The following ERC2 variants were observed in gnomAD, a reference collection of about 807,000 sequenced individuals.
ERC2 encodes the protein ERC protein 2.
In ERC2, 42 loss-of-function variants were observed where a neutral mutation model predicts 114.8. The observed-to-expected ratio is 0.37, with a 90% CI of 0.29 to 0.47. The LOEUF is 0.47. Among genes scored for constraint, ERC2 ranks in the 20% least tolerant of loss-of-function variants. The pLI is 0.99. For synonymous variants in ERC2, 454 were observed against 425.5 expected (o/e 1.07, Z -0.82); for missense variants, 939 against 1,150.7 (o/e 0.82, Z 2.66).
At position 55,728,938 on chromosome 3, in the gene ERC2, C is replaced by T. The variant is rs1181983562; in HGVS notation, c.2712+5833G>A. On this transcript the variant is annotated intron_variant, in intron 15 of 17. Transcript: ENST00000288221. ...CATGAGTTCTCTTTTGTGGCCCCAA[C>T]GGAAGCAGCAGTGTTTCCTAAAAAG... Among the ~76,000 whole-genome samples, 5 of 152,314 alleles carry T rather than the reference C, an allele frequency of 3.3e-5. No individual in the cohort carries two copies. In the East Asian group the frequency reaches 7.7e-4, roughly 24 times the overall value.
intron 15 of ERC2, among the ~76,000 whole-genome samples, chr3:55,716,485 G>A (rs975360261): frequency 6.6e-6 from 1 of 152,192 alleles, no homozygotes; most frequent in African/African-American, 2.4e-5. Context: ...AATGGTCAAA[G>A]TTAAGCCACT....
intron 3 of ERC2, among the ~76,000 whole-genome samples, chr3:56,250,124 G>A (rs2052043127): frequency 6.6e-6 from 1 of 152,094 alleles, no homozygotes; most frequent in African/African-American, 2.4e-5. Flanking sequence ...CCAAAGTGCT[G>A]GGATTACAGG....
At chr3:55,597,447 C>T (rs1415962087) in intron 17 of ERC2, among the ~76,000 whole-genome samples, 1 of 150,918 alleles carries the variant, frequency 6.6e-6, no homozygotes, top group Admixed American at 6.6e-5. Flanking sequence ...GATTTTAGAA[C>T]CTTACACATC....
intron 14 of ERC2, among the ~76,000 whole-genome samples, chr3:55,777,661 A>C (rs1033380194): frequency 6.6e-6 from 1 of 152,242 alleles, no homozygotes; most frequent in African/African-American, 2.4e-5. Flanking sequence ...TCCTACTGGC[A>C]TGAATTTTTA....
At chr3:56,290,589 G>C (rs991436709) in intron 3 of ERC2, among the ~76,000 whole-genome samples, 1 of 152,188 alleles carries the variant, frequency 6.6e-6, no homozygotes, top group Non-Finnish European at 1.5e-5. Flanking sequence ...TCATGGCTTA[G>C]GTCAGCAGAA....
At chr3:55,874,362 T>C (rs1291291408) in intron 14 of ERC2, among the ~76,000 whole-genome samples, 2 of 152,160 alleles carry the variant, frequency 1.3e-5, no homozygotes, top group African/African-American at 4.8e-5. Flanking sequence ...CTCTGGCAAC[T>C]CCAGCCCCAC....
intron 6 of ERC2, among the ~76,000 whole-genome samples, chr3:56,123,163 T>C (rs2079675231): frequency 6.6e-6 from 1 of 152,156 alleles, no homozygotes; most frequent in Non-Finnish European, 1.5e-5. Context: ...ATAGTCTGAA[T>C]GCTTATGCCA....
chr3:55,622,537 G>T (rs916380515), intron 17 of ERC2, among the ~76,000 whole-genome samples: 3 of 152,026 alleles, frequency 2.0e-5, no homozygotes, highest in African/African-American at 7.2e-5. Context: ...TGCAGTATGG[G>T]CAAATGCAAG....
At chr3:55,544,272 G>T (rs1212102474) in intron 17 of ERC2, among the ~76,000 whole-genome samples, 1 of 152,168 alleles carries the variant, frequency 6.6e-6, no homozygotes, top group Non-Finnish European at 1.5e-5. Context: ...TTGGGCAAGT[G>T]TTCGACAGAC....
At chr3:56,410,191 G>A (rs1018085954) in intron 2 of ERC2, among the ~76,000 whole-genome samples, 1 of 152,154 alleles carries the variant, frequency 6.6e-6, no homozygotes, top group African/African-American at 2.4e-5. Flanking sequence ...TATCCAAAAT[G>A]TCAAATTTTG....
intron 3 of ERC2, among the ~76,000 whole-genome samples, chr3:56,182,000 G>A (rs2083314017): frequency 6.6e-6 from 1 of 152,156 alleles, no homozygotes; most frequent in African/African-American, 2.4e-5. Flanking sequence ...GAACTACCCA[G>A]CTAAGCAACT....
intron 3 of ERC2, among the ~76,000 whole-genome samples, chr3:56,291,626 C>G (rs1045948741): frequency 1.1e-4 from 16 of 152,190 alleles, no homozygotes; most frequent in Non-Finnish European, 2.2e-4. Context: ...CCCAGCTTCA[C>G]ACTGCCTAGC....
At chr3:56,040,680 A>ATATATAGATGTATATG (rs2075127219) in intron 7 of ERC2, among the ~76,000 whole-genome samples, 2 of 45,012 alleles carry the variant, frequency 4.4e-5, no homozygotes, top group Non-Finnish European at 9.9e-5. Context: ...AGATAGATAC[A>ATATATAGATGTATATG]TATATCTCTA....
intron 17 of ERC2, among the ~76,000 whole-genome samples, chr3:55,672,871 G>T (rs1270114415): frequency 1.3e-5 from 2 of 152,156 alleles, no homozygotes; most frequent in African/African-American, 4.8e-5. Flanking sequence ...GGAGTCTCTT[G>T]CATGGAGTCA....
chr3:55,672,552 C>T (rs2061606447), intron 17 of ERC2, among the ~76,000 whole-genome samples: 1 of 152,092 alleles, frequency 6.6e-6, no homozygotes, highest in Non-Finnish European at 1.5e-5. Flanking sequence ...GTCTGCCCTC[C>T]TCGTAGAGCT....
chr3:56,033,038 A>C (rs1560058359), intron 7 of ERC2, among the ~76,000 whole-genome samples: 1 of 74,468 alleles, frequency 1.3e-5, no homozygotes, highest in African/African-American at 4.1e-5. Flanking sequence ...AACAGAAAGA[A>C]AGAAAGAAAG....
At position 55,793,010 on chromosome 3, in the gene ERC2, T is replaced by A. The variant is rs73831511; in HGVS notation, c.2565-58092A>T. ...CCCTGAGCCCTGGGGAGTATATAGA[T>A]TGGTCCAAATAGCAATATTTGTGCT... is the stretch of plus-strand genomic sequence containing the variant. On this transcript the variant is annotated intron_variant, in intron 14 of 17. Transcript: ENST00000288221. Among the ~76,000 whole-genome samples, 966 of 152,282 alleles carry A rather than the reference T, an allele frequency of 6.3e-3. 7 individuals are homozygous for A. Among genetic ancestry groups the A allele is most frequent in the African/African-American group, 0.022 (931 of 41,570 alleles).
chr3:56,386,093 T>C (rs2059924414), intron 2 of ERC2, among the ~76,000 whole-genome samples: 1 of 152,084 alleles, frequency 6.6e-6, no homozygotes, highest in African/African-American at 2.4e-5. Context: ...GACCCCAAAT[T>C]ACCTCTCAAG....
intron 3 of ERC2, among the ~76,000 whole-genome samples, chr3:56,206,502 C>T (rs2048747060): frequency 6.6e-6 from 1 of 152,180 alleles, no homozygotes; most frequent in Admixed American, 6.5e-5. Context: ...AGCAATTGTA[C>T]TTTCAGGATG....
Sources: allele counts gnomAD v4.1 joint callset (sites outside exome capture counted in the v4.1 genomes callset), GRCh38; gene constraint gnomAD v4.1.1; transcripts MANE v1.5; gene names NCBI Gene and HGNC (gene_info 2026-07-23, HGNC 2026-07-21).